The following THSD7A variants were observed in gnomAD, a reference collection of about 807,000 sequenced individuals.
The protein encoded by THSD7A is thrombospondin type-1 domain-containing protein 7A.
A neutral mutation model predicts 231.3 loss-of-function variants in THSD7A; 96 were observed. The observed-to-expected ratio is 0.41, with a 90% CI of 0.35 to 0.49. THSD7A has a LOEUF of 0.49. Ranked by LOEUF, THSD7A falls within the 20% of genes least tolerant of loss-of-function variation. The pLI is 0.05. For synonymous variants in THSD7A, 940 were observed against 743.3 expected (o/e 1.26, Z -4.30); for missense variants, 2,290 against 2,070.2 (o/e 1.11, Z -2.06).
At chr7:11,689,022 AC>A (rs1238343017) in intron 1 of THSD7A, among the ~76,000 whole-genome samples, 5 of 151,912 alleles carry the variant, frequency 3.3e-5, no homozygotes, top group Non-Finnish European at 7.4e-5. Flanking sequence ...TGGGAAAAAA[AC>A]ATTTGCAAGT....
chr7:11,481,708 C>T, intron 7 of THSD7A, 80 bp downstream of exon 7: 3 of 1,380,630 alleles, frequency 2.2e-6, no homozygotes, highest in Non-Finnish European at 2.9e-6. Flanking sequence ...CATAGAATAT[C>T]ATCTTTTCCA....
At chr7:11,451,168 T>C (rs1194937707) in intron 11 of THSD7A, among the ~76,000 whole-genome samples, 1 of 151,904 alleles carries the variant, frequency 6.6e-6, no homozygotes, top group African/African-American at 2.4e-5. Flanking sequence ...ATACATGCTA[T>C]GAAAAAGGGA....
At chr7:11,527,634 C>A (rs1481205023) in intron 6 of THSD7A, among the ~76,000 whole-genome samples, 1 of 138,942 alleles carries the variant, frequency 7.2e-6, no homozygotes, top group African/African-American at 2.4e-5. Context: ...TTAGTATAAT[C>A]TAGGGGTTTT....
rs754562587 is a variant in THSD7A at position 11,636,204 on chromosome 7, A to G, written c.948T>C (p.Tyr316=). 7.4e-6 allele frequency: 12 copies of G among 1,613,860 alleles called. No homozygotes were observed. Among genetic ancestry groups the G allele is most frequent in the South Asian group, 3.3e-5 (3 of 91,072 alleles). ...RNRQNRQENK[Y]WDIQIGYQTR... is the part of the protein sequence containing the mutation. ...TCTGATATCCAATCTGGATGTCCCA[A>G]TATTTGTTCTCTTGTCTGTTCTGCC... Residue 316 remains tyrosine, a synonymous_variant, in exon 2 of 28, where the codon TAT becomes TAC. Coordinates refer to ENST00000423059, the MANE Select transcript of THSD7A (RefSeq NM_015204.3). The surrounding 1 kb of genome is among the most constrained non-coding windows in gnomAD (Gnocchi z 10.0).
At chr7:11,718,116 T>C (rs867074272) in intron 1 of THSD7A, among the ~76,000 whole-genome samples, 1 of 151,702 alleles carries the variant, frequency 6.6e-6, no homozygotes, top group Non-Finnish European at 1.5e-5. Flanking sequence ...CACCAGTTTG[T>C]AGAGAGCATG....
chr7:11,550,812 C>T (rs1562710468), intron 4 of THSD7A, among the ~76,000 whole-genome samples: 1 of 152,098 alleles, frequency 6.6e-6, no homozygotes, highest in Non-Finnish European at 1.5e-5. Flanking sequence ...CCTATCAAAC[C>T]ACCAATGACA....
At chr7:11,449,299 C>T (rs1785071799) in intron 11 of THSD7A, among the ~76,000 whole-genome samples, 1 of 151,914 alleles carries the variant, frequency 6.6e-6, no homozygotes, top group African/African-American at 2.4e-5. Context: ...CATGAAGATC[C>T]CTGGACCCAA....
Position 11,507,399 on chromosome 7 carries a change from T to C in THSD7A, c.1823-25417A>G, listed in dbSNP as rs138146474. Among the ~76,000 whole-genome samples the C allele has an allele frequency of 4.3e-3, 656 of 152,282 alleles. 6 individuals carry two copies. Among genetic ancestry groups the C allele is most frequent in the African/African-American group, 0.015 (616 of 41,550 alleles). ...CTTTATATATTGTTATAACAATATC[T>C]AAAATGGCAATTTGGGAAATTTGTA... On this transcript the variant is annotated intron_variant, in intron 6 of 27. Transcript: ENST00000423059.
At chr7:11,388,288 C>A (rs1393038581) in intron 23 of THSD7A, among the ~76,000 whole-genome samples, 3 of 152,008 alleles carry the variant, frequency 2.0e-5, no homozygotes, top group Non-Finnish European at 2.9e-5. Flanking sequence ...TCTCTTCGTA[C>A]CTCTGGTAGA....
intron 23 of THSD7A, among the ~76,000 whole-genome samples, chr7:11,385,906 C>T (rs1782721626): frequency 6.6e-6 from 1 of 152,010 alleles, no homozygotes; most frequent in South Asian, 2.1e-4. Context: ...GTGTGATGTT[C>T]CATTCCCTGT....
Position 11,412,671 on chromosome 7 carries a change from C to T in THSD7A, c.3667G>A (p.Asp1223Asn). The change falls in exon 18 of 28, where the codon GAT becomes AAT. Residue 1223 changes from aspartate to asparagine, a missense_variant. By Grantham distance (23) the Asp-to-Asn change is conservative. Transcript: ENST00000423059. Reference protein sequence around the residue: ...CNLNKNCYHYDYNVTDWSTCQ... With the variant: ...CNLNKNCYHYNYNVTDWSTCQ... ...ATCCATGTACCTGTTACATTATAAT[C>T]ATAGTGGTAGCAGTTTTTGTTCAGG... 3 of 1,613,774 alleles carry T rather than the reference C, an allele frequency of 1.9e-6. No homozygotes were observed. The highest frequency in any genetic ancestry group is 2.2e-5 in the East Asian group (1 of 44,868).
chr7:11,496,623 A>C (rs2128308733), intron 6 of THSD7A, among the ~76,000 whole-genome samples: 1 of 152,314 alleles, frequency 6.6e-6, no homozygotes, highest in South Asian at 2.1e-4. Flanking sequence ...AGGAACACAA[A>C]TAAATTACAC....
At chr7:11,819,689 G>T (rs1051575312) in intron 1 of THSD7A, among the ~76,000 whole-genome samples, 30 of 152,256 alleles carry the variant, frequency 2.0e-4, no homozygotes, top group African/African-American at 6.7e-4. Context: ...AAGGAGCACA[G>T]GGAATTTTCC....
chr7:11,424,643 A>T (rs1784258381), intron 16 of THSD7A, 53 bp downstream of exon 16: 3 of 1,606,714 alleles, frequency 1.9e-6, no homozygotes, highest in Non-Finnish European at 2.6e-6. Flanking sequence ...CACATGTGCA[A>T]TTGGGAGATA....
intron 10 of THSD7A, 87 bp downstream of exon 10, chr7:11,461,924 T>C (rs1169167775): frequency 5.2e-5 from 78 of 1,508,070 alleles, no homozygotes; most frequent in Non-Finnish European, 2.7e-5. Context: ...AGGAACAGTG[T>C]TGACTTCCTT....
intron 1 of THSD7A, among the ~76,000 whole-genome samples, chr7:11,692,232 T>C (rs1229232604): frequency 1.3e-5 from 2 of 151,580 alleles, no homozygotes; most frequent in Non-Finnish European, 3.0e-5. Flanking sequence ...GGATTGGGCA[T>C]AATTACAGTC....
In THSD7A at chr7:11,379,289, G is replaced by T; in HGVS notation, c.4591-9C>A. The T allele has an allele frequency of 6.2e-7, 1 of 1,613,096 alleles. No homozygotes were observed. Among genetic ancestry groups the T allele is most frequent in the Non-Finnish European group, 8.5e-7 (1 of 1,179,278 alleles). ...CAATGGCATGTTTTTGTCTGCAGGA[G>T]AACAAGAAGATTTATACTAGCCATG... On this transcript the variant is annotated splice_polypyrimidine_tract_variant and intron_variant, in intron 25 of 27. Coordinates refer to ENST00000423059, the MANE Select transcript of THSD7A (RefSeq NM_015204.3).
chr7:11,542,580 T>G (rs1789198826), intron 5 of THSD7A, among the ~76,000 whole-genome samples: 1 of 152,226 alleles, frequency 6.6e-6, no homozygotes, highest in Admixed American at 6.5e-5. Flanking sequence ...AGAGACAATC[T>G]GGATGGCAGA....
intron 9 of THSD7A, among the ~76,000 whole-genome samples, chr7:11,467,750 C>T (rs1785768369): frequency 6.7e-6 from 1 of 149,018 alleles, no homozygotes; most frequent in Non-Finnish European, 1.5e-5. Context: ...TCCTAAAAAA[C>T]CTCTATTTTT....
Sources: gnomAD v4.1 joint callset for allele counts (sites outside exome capture counted in the v4.1 genomes callset) on GRCh38, gnomAD v4.1.1 for gene constraint, Gnocchi (gnomAD v3.1) non-coding constraint, MANE v1.5 for transcripts, NCBI Gene and HGNC (gene_info 2026-07-23, HGNC 2026-07-21) for gene names.